CEP162: variants seen among roughly 807,000 people sequenced by gnomAD.
The protein encoded by CEP162 is centrosomal protein of 162 kDa.
A neutral mutation model predicts 169.2 loss-of-function variants in CEP162; 141 were observed. That is an observed-to-expected ratio of 0.83 (90% CI 0.73 to 0.96). The LOEUF is 0.96. Among genes scored for constraint, CEP162 ranks in the 40% least tolerant of loss-of-function variants. The pLI, the probability that CEP162 is intolerant of heterozygous loss-of-function variation, is 0.00. For synonymous variants in CEP162, 540 were observed against 526.4 expected (o/e 1.03, Z -0.35); for missense variants, 1,600 against 1,587.2 (o/e 1.01, Z -0.14).
At chr6:84,184,847 A>T (rs1162383329) in intron 13 of CEP162, among the ~76,000 whole-genome samples, 3 of 151,816 alleles carry the variant, frequency 2.0e-5, no homozygotes, top group Non-Finnish European at 2.9e-5. Flanking sequence ...TTGAATAGAC[A>T]TCTCAAAACT....
chr6:84,135,522 A>G (rs1258233607), intron 25 of CEP162, among the ~76,000 whole-genome samples: 1 of 152,184 alleles, frequency 6.6e-6, no homozygotes. Context: ...GAAACTACAC[A>G]TCTCAATTTA....
rs762457807 is a variant in CEP162 at position 84,152,938 on chromosome 6, T to C, written c.3236A>G (p.Glu1079Gly). The change falls in exon 23 of 27, where the codon GAA becomes GGA. Residue 1079 changes from glutamate (E) to glycine (G), a missense_variant. By Grantham distance (98) the Glu-to-Gly change is moderately conservative (BLOSUM62 -2). Transcript: ENST00000403245. ...TAATTTAGCTTTAGCATGAGCCTGTTCCACCTGGAATTCTATAGACTGAAA... is the reference window on the plus strand; with the variant it reads ...TAATTTAGCTTTAGCATGAGCCTGTCCCACCTGGAATTCTATAGACTGAAA... The part of the protein sequence containing the change: ...EDFQSIEFQV[E>G]QAHAKAKLVR... 1.2e-6 allele frequency: 2 copies of C among 1,613,772 alleles called. No individual in the cohort carries two copies. The highest frequency in any genetic ancestry group is 1.1e-5 in the South Asian group (1 of 91,076).
At chr6:84,203,305 C>T (rs1245810949) in intron 7 of CEP162, among the ~76,000 whole-genome samples, 1 of 152,162 alleles carries the variant, frequency 6.6e-6, no homozygotes, top group Non-Finnish European at 1.5e-5. Context: ...TAGGGAAGGA[C>T]ATTTACTATA....
chr6:84,201,532 G>A (rs929060240), intron 8 of CEP162, among the ~76,000 whole-genome samples: 5 of 151,648 alleles, frequency 3.3e-5, no homozygotes, highest in African/African-American at 1.2e-4. Context: ...GAAGGCAAAG[G>A]GCATAAGAAA....
At chr6:84,178,621 C>A (rs376123043) in intron 13 of CEP162, among the ~76,000 whole-genome samples, 52 of 152,232 alleles carry the variant, frequency 3.4e-4, no homozygotes, top group African/African-American at 1.2e-3. Flanking sequence ...CCTGTATGTG[C>A]AAGATGCCAA....
chr6:84,145,004 T>C (rs2099518203), intron 25 of CEP162, among the ~76,000 whole-genome samples: 1 of 152,148 alleles, frequency 6.6e-6, no homozygotes, highest in South Asian at 2.1e-4. Flanking sequence ...TCAGTTATAC[T>C]ATCAAGGCTT....
chr6:84,157,192 A>G (rs1235588956), intron 21 of CEP162, among the ~76,000 whole-genome samples: 1 of 152,232 alleles, frequency 6.6e-6, no homozygotes, highest in Non-Finnish European at 1.5e-5. Context: ...GCATAAACTT[A>G]GATTATGCTA....
chr6:84,187,861 T>C (rs974649747), intron 11 of CEP162, among the ~76,000 whole-genome samples: 1 of 152,134 alleles, frequency 6.6e-6, no homozygotes, highest in Non-Finnish European at 1.5e-5. Flanking sequence ...TAACAAGATA[T>C]TACCAAAAAA....
intron 11 of CEP162, among the ~76,000 whole-genome samples, chr6:84,190,693 T>C (rs1370787074): frequency 6.6e-6 from 1 of 151,478 alleles, no homozygotes; most frequent in Admixed American, 6.6e-5. Context: ...TCCGAACACA[T>C]CTGAACATCA....
At position 84,124,974 on chromosome 6, in the gene CEP162, T is replaced by C; in HGVS notation, c.*96A>G. On this transcript the variant is annotated 3_prime_UTR_variant, in exon 27 of 27. Transcript: ENST00000403245. ...TGGTTGTTTGCTTTCTGGAAACATATTGGAACACTTGTTTTTCATAAGCTG... is the reference window on the plus strand; with the variant it reads ...TGGTTGTTTGCTTTCTGGAAACATACTGGAACACTTGTTTTTCATAAGCTG... The C allele has an allele frequency of 3.3e-6, 3 of 922,330 alleles. No individual in the cohort carries two copies. The highest frequency in any genetic ancestry group is 5.0e-6 in the Non-Finnish European group (3 of 602,332). The allele number at this position is 922,330 out of a possible 1,614,324, so 57.1% of individuals were successfully genotyped here. A position where few individuals can be genotyped will look rare whatever the true frequency, so the allele number is the denominator to read the frequency against.
At position 84,226,333 on chromosome 6, in the gene CEP162, T is replaced by C. The variant is rs1397801287; in HGVS notation, c.57+4A>G. 2 of 1,540,670 alleles carry C rather than the reference T, an allele frequency of 1.3e-6. No homozygotes were observed. The highest frequency in any genetic ancestry group is 1.8e-6 in the Non-Finnish European group (2 of 1,134,036). On this transcript the variant is annotated splice_donor_region_variant and intron_variant, in intron 2 of 26. Coordinates refer to ENST00000403245, the MANE Select transcript of CEP162 (RefSeq NM_014895.4). ...CAATATAGCTTTTAAAAATATAAAC[T>C]TACCTCTTTCATAAACTGTTCAAAC...
At chr6:84,182,588 T>A (rs2099535390) in intron 13 of CEP162, among the ~76,000 whole-genome samples, 1 of 152,092 alleles carries the variant, frequency 6.6e-6, no homozygotes, top group African/African-American at 2.4e-5. Context: ...AGATCAAAGG[T>A]CATTAAGATG....
chr6:84,180,874 T>A (rs534024332), intron 13 of CEP162, among the ~76,000 whole-genome samples: 1 of 152,168 alleles, frequency 6.6e-6, no homozygotes, highest in Non-Finnish European at 1.5e-5. Flanking sequence ...GAACATTCCA[T>A]GCTCATGGAT....
intron 25 of CEP162, among the ~76,000 whole-genome samples, chr6:84,127,052 T>C (rs1156250115): frequency 2.6e-5 from 4 of 152,178 alleles, no homozygotes; most frequent in African/African-American, 9.6e-5. Flanking sequence ...TACTGAGCCC[T>C]TTCTGTGTTG....
At chr6:84,198,511 C>T (rs1360656352) in intron 9 of CEP162, among the ~76,000 whole-genome samples, 2 of 152,104 alleles carry the variant, frequency 1.3e-5, no homozygotes, top group East Asian at 1.9e-4. Context: ...AACTCCTGAC[C>T]TCAGGTGATC....
At chr6:84,200,568 A>G (rs2099544061) in intron 9 of CEP162, among the ~76,000 whole-genome samples, 1 of 152,218 alleles carries the variant, frequency 6.6e-6, no homozygotes. Context: ...TTCATTTATT[A>G]ACAAATATTT....
intron 5 of CEP162, among the ~76,000 whole-genome samples, chr6:84,213,263 T>G (rs2099550214): frequency 6.6e-6 from 1 of 152,174 alleles, no homozygotes; most frequent in Non-Finnish European, 1.5e-5. Flanking sequence ...GATGCCCTAT[T>G]TCTTAAATAT....
rs1305548780 is a variant in CEP162 at position 84,132,955 on chromosome 6, G to A, written c.3871-6443C>T. Among the ~76,000 whole-genome samples the A allele has an allele frequency of 6.6e-5, 10 of 151,992 alleles. 1 individual carries two copies. The highest frequency in any genetic ancestry group is 5.9e-4 in the Admixed American group (9 of 15,260). On this transcript the variant is annotated intron_variant, in intron 25 of 26. Transcript: ENST00000403245. ...GGCACTCTGATTTTTGGAATTTTCA[G>A]CTTTTCTGCTCTGTTTTCTCCCCAT...
rs569086769 is a variant in CEP162 at position 84,189,374 on chromosome 6, G to C, written c.1110-2751C>G. On this transcript the variant is annotated intron_variant, in intron 11 of 26. Transcript: ENST00000403245. ...GCTTGCAGGGAGGTGTGGAGGGAGA[G>C]GCACGAGCGGGAACCGGGGCTGCGT... Among the ~76,000 whole-genome samples, 1,139 of 152,320 alleles carry C rather than the reference G, an allele frequency of 7.5e-3. 3 individuals carry two copies. Among genetic ancestry groups the C allele is most frequent in the Middle Eastern group, 0.017 (5 of 294 alleles).
Sources: allele counts gnomAD v4.1 joint callset (sites outside exome capture counted in the v4.1 genomes callset), GRCh38; gene constraint gnomAD v4.1.1; transcripts MANE v1.5; gene names NCBI Gene and HGNC (gene_info 2026-07-23, HGNC 2026-07-21).